Variants in IQCJ observed in about 807,000 individuals in gnomAD.
IQCJ encodes IQ motif containing J, also known as IQ domain-containing protein J.
A neutral mutation model predicts 11.0 loss-of-function variants in IQCJ; 9 were observed. The observed-to-expected ratio is 0.82, with a 90% CI of 0.49 to 1.43. The LOEUF (loss-of-function observed/expected upper bound fraction) is 1.43. Ranked by LOEUF, IQCJ falls within the 40% of genes most tolerant of loss-of-function variation. The pLI is 0.00. For synonymous variants in IQCJ, 55 were observed against 51.3 expected, an observed-to-expected ratio of 1.07 and a Z score of -0.31; for missense variants, 146 against 133.2, an observed-to-expected ratio of 1.10 and a Z score of -0.47.
At chr3:159,105,086 G>A (rs1318843845) in intron 1 of IQCJ, among the ~76,000 whole-genome samples, 1 of 152,206 alleles carries the variant, frequency 6.6e-6, no homozygotes, top group Non-Finnish European at 1.5e-5. Flanking sequence ...CTGAATCCAA[G>A]AAGTTCTTAG....
In IQCJ at chr3:159,089,749, G is replaced by A. The variant is rs908122325; in HGVS notation, c.9+20308G>A. ...CTTCTGCATTCTTTACGTAGTTCTA[G>A]AGCCTTGGTTTTCAGCTCCATCAGC... On this transcript the variant is annotated intron_variant, in intron 1 of 3. Coordinates refer to ENST00000397832, the MANE Select transcript of IQCJ (RefSeq NM_001042706.3). Among the ~76,000 whole-genome samples the A allele has an allele frequency of 1.2e-3, 175 of 151,366 alleles. 5 individuals are homozygous for A. The highest frequency in any genetic ancestry group is 4.1e-3 in the African/African-American group (167 of 40,940).
intron 1 of IQCJ, among the ~76,000 whole-genome samples, chr3:159,103,353 C>T (rs1718049549): frequency 6.6e-6 from 1 of 152,114 alleles, no homozygotes; most frequent in African/African-American, 2.4e-5. Flanking sequence ...ATGCTTTCCC[C>T]TTTTAGGCAC....
chr3:159,111,546 G>A (rs1441776670), intron 1 of IQCJ, among the ~76,000 whole-genome samples: 4 of 152,128 alleles, frequency 2.6e-5, no homozygotes, highest in East Asian at 3.9e-4. Context: ...GCATCTTCTG[G>A]ACCATCCTGT....
intron 1 of IQCJ, among the ~76,000 whole-genome samples, chr3:159,168,632 C>A (rs1048118211): frequency 6.6e-6 from 1 of 152,016 alleles, no homozygotes; most frequent in Non-Finnish European, 1.5e-5. Flanking sequence ...GTCATTTCAT[C>A]CATGAGATTA....
chr3:159,116,892 G>A (rs979586505), intron 1 of IQCJ, among the ~76,000 whole-genome samples: 4 of 151,684 alleles, frequency 2.6e-5, no homozygotes, highest in Non-Finnish European at 5.9e-5. Context: ...TTCCTGAGAA[G>A]GATCACTGTT....
chr3:159,201,555 G>A (rs941792780), intron 1 of IQCJ, among the ~76,000 whole-genome samples: 2 of 149,668 alleles, frequency 1.3e-5, no homozygotes, highest in Non-Finnish European at 3.0e-5. Flanking sequence ...CATTTATTTT[G>A]GAATGAGTTG....
intron 1 of IQCJ, among the ~76,000 whole-genome samples, chr3:159,114,734 C>G (rs868798103): frequency 1.3e-5 from 2 of 152,212 alleles, no homozygotes; most frequent in African/African-American, 4.8e-5. Flanking sequence ...CTCTGCGCAT[C>G]TGCCACAAGA....
chr3:159,129,472 G>A (rs9815105), intron 1 of IQCJ, among the ~76,000 whole-genome samples: 102,180 of 151,930 alleles, frequency 0.67, 34,528 homozygotes, highest in East Asian at 0.71. Flanking sequence ...GACTAGAGGT[G>A]GGGTTCTTTG....
intron 1 of IQCJ, among the ~76,000 whole-genome samples, chr3:159,228,587 G>A (rs1032203643): frequency 3.9e-5 from 6 of 152,150 alleles, no homozygotes; most frequent in Admixed American, 2.6e-4. Context: ...TCAGGAGATC[G>A]AGACCATCCC....
rs80143496 is a variant in IQCJ, at chr3:159,105,300, G to A, written c.9+35859G>A. On this transcript the variant is annotated intron_variant, in intron 1 of 3. Coordinates refer to ENST00000397832, the MANE Select transcript of IQCJ (RefSeq NM_001042706.3). ...GACTCAAGTATGGCTTTTTCTCATG[G>A]ATGAATTTGTTACAATTACCACCCT... Among the ~76,000 whole-genome samples the A allele has an allele frequency of 6.0e-3, 906 of 152,252 alleles. 12 individuals are homozygous for A. Among genetic ancestry groups the A allele is most frequent in the African/African-American group, 0.021 (856 of 41,520 alleles).
chr3:159,240,066 A>G (rs912711537), intron 1 of IQCJ, among the ~76,000 whole-genome samples: 5 of 152,212 alleles, frequency 3.3e-5, no homozygotes, highest in African/African-American at 1.2e-4. Flanking sequence ...GGGGTGTGAT[A>G]TGATTAAAAA....
chr3:159,075,576 G>C (rs1490099820), intron 1 of IQCJ, among the ~76,000 whole-genome samples: 1 of 151,980 alleles, frequency 6.6e-6, no homozygotes, highest in Non-Finnish European at 1.5e-5. Context: ...AAGCCAATGA[G>C]TATAAATTCC....
At chr3:159,135,418 C>T (rs1186221467) in intron 1 of IQCJ, among the ~76,000 whole-genome samples, 2 of 152,162 alleles carry the variant, frequency 1.3e-5, no homozygotes, top group African/African-American at 4.8e-5. Context: ...GACAGCATAA[C>T]TAGCTGCTGT....
At chr3:159,164,590 A>G (rs1722059535) in intron 1 of IQCJ, among the ~76,000 whole-genome samples, 1 of 152,326 alleles carries the variant, frequency 6.6e-6, no homozygotes, top group South Asian at 2.1e-4. Flanking sequence ...CAACATGGTG[A>G]AACCCTGTCT....
At chr3:159,128,717 C>G (rs919865633) in intron 1 of IQCJ, among the ~76,000 whole-genome samples, 1 of 152,110 alleles carries the variant, frequency 6.6e-6, no homozygotes, top group African/African-American at 2.4e-5. Flanking sequence ...GATCTGCTCC[C>G]AACACATCAC....
chr3:159,105,854 A>G (rs1446689759), intron 1 of IQCJ, among the ~76,000 whole-genome samples: 1 of 152,178 alleles, frequency 6.6e-6, no homozygotes, highest in Non-Finnish European at 1.5e-5. Flanking sequence ...AGGACTTTGG[A>G]TATCATCGTA....
intron 1 of IQCJ, among the ~76,000 whole-genome samples, chr3:159,163,410 G>A (rs1276912900): frequency 1.3e-5 from 2 of 152,186 alleles, no homozygotes; most frequent in Non-Finnish European, 2.9e-5. Flanking sequence ...ATTAGGTATT[G>A]ATGGGACGTA....
chr3:159,121,666 C>A lies in IQCJ; in HGVS notation c.9+52225C>A, dbSNP rs76558727. 4.9e-3 allele frequency among the ~76,000 whole-genome samples: 741 copies of A among 152,278 alleles called. 10 individuals are homozygous for A. The highest frequency in any genetic ancestry group is 0.025 in the Admixed American group (390 of 15,296). ...TTTTCTTTGAGGTTGACATTGTTTA[C>A]ATGTTATTTCCTCTTGGTTAACTAT... On this transcript the variant is annotated intron_variant, in intron 1 of 3. Coordinates refer to ENST00000397832, the MANE Select transcript of IQCJ (RefSeq NM_001042706.3).
intron 1 of IQCJ, among the ~76,000 whole-genome samples, chr3:159,131,922 A>G (rs979867710): frequency 2.0e-5 from 3 of 151,142 alleles, no homozygotes; most frequent in Non-Finnish European, 2.9e-5. Context: ...TATGGCTTAC[A>G]TCAAATCCAC....
Sources: gnomAD v4.1 joint callset for allele counts (sites outside exome capture counted in the v4.1 genomes callset) on GRCh38, gnomAD v4.1.1 for gene constraint, MANE v1.5 for transcripts, NCBI Gene and HGNC (gene_info 2026-07-23, HGNC 2026-07-21) for gene names.